Variants in NTM observed in about 807,000 individuals in gnomAD.
The protein encoded by NTM is neurotrimin.
A neutral mutation model predicts 42.1 loss-of-function variants in NTM; 13 were observed. The observed-to-expected ratio is 0.31, with a 90% CI of 0.20 to 0.49. The LOEUF is 0.49. Ranked by LOEUF, NTM falls within the 20% of genes least tolerant of loss-of-function variation. NTM has a pLI of 0.99. For missense variants in NTM, 373 were observed against 452.8 expected (o/e 0.82, Z 1.60); for synonymous variants, 187 against 179.2 (o/e 1.04, Z -0.35).
chr11:132,144,213 G>T (rs2069822686), intron 2 of NTM, among the ~76,000 whole-genome samples: 2 of 152,114 alleles, frequency 1.3e-5, no homozygotes, highest in South Asian at 4.2e-4. Flanking sequence ...TGAACTTCTA[G>T]ATGTGACTCA....
At chr11:131,481,753 T>C (rs550197114) in intron 1 of NTM, among the ~76,000 whole-genome samples, 2 of 152,300 alleles carry the variant, frequency 1.3e-5, no homozygotes, top group African/African-American at 4.8e-5. Context: ...TTGTTAACAG[T>C]ACAATCTCTG....
chr11:132,103,222 A>G (rs1188991533), intron 2 of NTM, among the ~76,000 whole-genome samples: 3 of 152,186 alleles, frequency 2.0e-5, no homozygotes, highest in Non-Finnish European at 1.5e-5. Context: ...ACAGACTGAT[A>G]CCAATTGGCA....
At chr11:132,031,456 G>T (rs1055270938) in intron 2 of NTM, among the ~76,000 whole-genome samples, 1 of 152,224 alleles carries the variant, frequency 6.6e-6, no homozygotes, top group East Asian at 1.9e-4. Flanking sequence ...AGTGGGGATG[G>T]TATGAAATAG....
At chr11:132,151,558 C>A (rs1435415269) in intron 3 of NTM, among the ~76,000 whole-genome samples, 1 of 152,214 alleles carries the variant, frequency 6.6e-6, no homozygotes, top group Non-Finnish European at 1.5e-5. Flanking sequence ...CTTTTAGCCT[C>A]TTTGTCAGTT....
intron 1 of NTM, among the ~76,000 whole-genome samples, chr11:131,399,862 C>T (rs1351978771): frequency 6.6e-6 from 1 of 152,138 alleles, no homozygotes; most frequent in Non-Finnish European, 1.5e-5. Flanking sequence ...CAGACAGCAA[C>T]CTCTTTTGCC....
At chr11:131,872,140 A>C (rs1271678930) in intron 1 of NTM, among the ~76,000 whole-genome samples, 2 of 152,134 alleles carry the variant, frequency 1.3e-5, no homozygotes, top group Non-Finnish European at 1.5e-5. Context: ...AATTCCAGCC[A>C]CCCTCAATCA....
intron 3 of NTM, among the ~76,000 whole-genome samples, chr11:132,191,615 C>G (rs1566430174): frequency 6.6e-6 from 1 of 152,156 alleles, no homozygotes; most frequent in Non-Finnish European, 1.5e-5. Flanking sequence ...CTTTGAAACC[C>G]AAAGTGTCTT....
chr11:132,217,209 G>C (rs1216212011), intron 4 of NTM, among the ~76,000 whole-genome samples: 1 of 152,066 alleles, frequency 6.6e-6, no homozygotes, highest in East Asian at 1.9e-4. Context: ...ATATCACCTG[G>C]GGGATTATTT....
chr11:131,728,844 C>T (rs2079278265), intron 1 of NTM, among the ~76,000 whole-genome samples: 1 of 152,136 alleles, frequency 6.6e-6, no homozygotes, highest in Admixed American at 6.5e-5. Flanking sequence ...TATACTGAAG[C>T]TACTTAGGGA....
At chr11:131,421,348 C>T (rs1291873030) in intron 1 of NTM, among the ~76,000 whole-genome samples, 6 of 152,178 alleles carry the variant, frequency 3.9e-5, no homozygotes, top group East Asian at 1.9e-4. Flanking sequence ...TTTCCAATCC[C>T]GCCTGCACAT....
chr11:131,554,894 C>T (rs1037184771), intron 1 of NTM, among the ~76,000 whole-genome samples: 4 of 152,068 alleles, frequency 2.6e-5, no homozygotes, highest in African/African-American at 4.8e-5. Flanking sequence ...GATGGCAGGG[C>T]ACCTGTCCTA....
chr11:131,476,401 GAGA>G (rs1952946187), intron 1 of NTM, among the ~76,000 whole-genome samples: 2 of 152,204 alleles, frequency 1.3e-5, no homozygotes, highest in Admixed American at 1.3e-4. Context: ...CTTAGGATTG[GAGA>G]AGGTCTCCCT....
intron 1 of NTM, among the ~76,000 whole-genome samples, chr11:131,401,834 A>ATATGTG (rs1945244128): frequency 1.2e-5 from 1 of 86,274 alleles, no homozygotes; most frequent in East Asian, 3.4e-4. Flanking sequence ...ATATATATAT[A>ATATGTG]TATATATATA....
chr11:132,280,934 C>A (rs1263167068), intron 4 of NTM, among the ~76,000 whole-genome samples: 1 of 152,224 alleles, frequency 6.6e-6, no homozygotes, highest in Non-Finnish European at 1.5e-5. Context: ...GGCTAAGAAA[C>A]CTCTGGAGGA....
intron 1 of NTM, among the ~76,000 whole-genome samples, chr11:131,704,722 A>G (rs1005442279): frequency 1.3e-5 from 2 of 152,216 alleles, no homozygotes; most frequent in Admixed American, 6.5e-5. Flanking sequence ...GCATAAAAAG[A>G]TAACTAAAAA....
At chr11:132,116,644 C>T (rs927758117) in intron 2 of NTM, among the ~76,000 whole-genome samples, 1 of 152,144 alleles carries the variant, frequency 6.6e-6, no homozygotes, top group Admixed American at 6.5e-5. Flanking sequence ...TAGCATAGTG[C>T]CCAGCACCAG....
At chr11:131,790,310 A>G (rs1261791807) in intron 1 of NTM, among the ~76,000 whole-genome samples, 3 of 152,124 alleles carry the variant, frequency 2.0e-5, no homozygotes, top group Non-Finnish European at 2.9e-5. Context: ...AACACATGCC[A>G]TTTTGCACGT....
chr11:132,142,633 C>T (rs934855333), intron 2 of NTM, among the ~76,000 whole-genome samples: 2 of 152,138 alleles, frequency 1.3e-5, no homozygotes, highest in Admixed American at 6.5e-5. Context: ...CTGCAGAAGC[C>T]GGCATTCATT....
intron 1 of NTM, among the ~76,000 whole-genome samples, chr11:131,446,432 A>G (rs1185558939): frequency 6.6e-6 from 1 of 152,090 alleles, no homozygotes; most frequent in African/African-American, 2.4e-5. Context: ...AAAAGAGCAC[A>G]CTCAGAGTTT....
Sources: gnomAD v4.1 joint callset for allele counts (sites outside exome capture counted in the v4.1 genomes callset) on GRCh38, gnomAD v4.1.1 for gene constraint, MANE v1.5 for transcripts, NCBI Gene and HGNC (gene_info 2026-07-23, HGNC 2026-07-21) for gene names.